NRP2: variants seen among roughly 807,000 people sequenced by gnomAD.
The protein encoded by NRP2 is neuropilin-2.
Under a neutral mutation model 110.4 loss-of-function variants are expected in NRP2, and 52 were observed. The ratio of observed to expected loss-of-function variants is 0.47; its 90% CI spans 0.38 to 0.59. The LOEUF is 0.59. NRP2 is among the 20% of genes least tolerant of loss of function. The pLI is 0.00. For missense variants in NRP2, 1,049 were observed against 1,203.0 expected (o/e 0.87, Z 1.89); for synonymous variants, 508 against 468.9 (o/e 1.08, Z -1.08).
chr2:205,749,149 C>A (rs1304923703), intron 10 of NRP2, among the ~76,000 whole-genome samples: 1 of 152,198 alleles, frequency 6.6e-6, no homozygotes, highest in Non-Finnish European at 1.5e-5. Context: ...ATGGAGGCCA[C>A]CTTTAAACCA....
In NRP2 at chr2:205,725,861, C is replaced by T. The variant is rs759324762; in HGVS notation, c.821-52C>T. On this transcript the variant is annotated intron_variant, in intron 5 of 16. Coordinates refer to ENST00000357785, the MANE Select transcript of NRP2 (RefSeq NM_003872.3). This position sits in a 1 kb window ranked among gnomAD's most constrained non-coding sequence, Gnocchi z 4.1. ...AAGGGAGGCAGCATTTGGGGGATCC[C>T]GAGGTATGAGGTTGGAAGGCCTAAC... 8.7e-6 allele frequency: 14 copies of T among 1,601,520 alleles called. No homozygotes were observed. The highest frequency in any genetic ancestry group is 2.2e-5 in the South Asian group (2 of 90,666).
At chr2:205,776,161 T>G in intron 15 of NRP2, 1 of 1,301,612 alleles carries the variant, frequency 7.7e-7, no homozygotes, top group Non-Finnish European at 1.1e-6. Context: ...AAAGCATGTG[T>G]GTGTTTCTTT....
chr2:205,752,088 C>T (rs954714150), intron 11 of NRP2, among the ~76,000 whole-genome samples: 16 of 152,186 alleles, frequency 1.1e-4, no homozygotes, highest in African/African-American at 3.9e-4. Context: ...TTCCTGGATT[C>T]CCATAGGGAA....
intron 1 of NRP2, among the ~76,000 whole-genome samples, chr2:205,688,695 G>T (rs1033575813): frequency 6.6e-5 from 10 of 152,126 alleles, no homozygotes; most frequent in Non-Finnish European, 1.5e-4. Flanking sequence ...CAAATTATGT[G>T]ACCTTTGGCA....
chr2:205,709,276 C>T (rs940647696), intron 2 of NRP2, among the ~76,000 whole-genome samples: 3 of 152,314 alleles, frequency 2.0e-5, no homozygotes, highest in East Asian at 3.9e-4. Flanking sequence ...CTGTGCTTTT[C>T]GTTTCATCTT....
chr2:205,700,541 G>A (rs548413174), intron 2 of NRP2, among the ~76,000 whole-genome samples: 2 of 152,324 alleles, frequency 1.3e-5, no homozygotes, highest in South Asian at 2.1e-4. Flanking sequence ...CCAAAGCCTG[G>A]AAACAGGGCC....
At chr2:205,699,852 T>C (rs1016507095) in intron 2 of NRP2, among the ~76,000 whole-genome samples, 1 of 152,182 alleles carries the variant, frequency 6.6e-6, no homozygotes, top group Non-Finnish European at 1.5e-5. Context: ...AAAAAATCTT[T>C]CTGGGGTCTG....
chr2:205,690,583 CACACACACA>C (rs2056291723), intron 1 of NRP2, among the ~76,000 whole-genome samples: 1 of 10,016 alleles, frequency 1.0e-4, no homozygotes, highest in Non-Finnish European at 1.9e-4. Flanking sequence ...TAAAAATACA[CACACACACA>C]CACACACACA....
intron 2 of NRP2, among the ~76,000 whole-genome samples, chr2:205,710,298 T>G (rs2056770137): frequency 6.6e-6 from 1 of 152,228 alleles, no homozygotes; most frequent in African/African-American, 2.4e-5. Flanking sequence ...TCTCTGACCT[T>G]TCCTCCTCAT....
chr2:205,710,122 CCTAA>C (rs1334774142), intron 2 of NRP2, among the ~76,000 whole-genome samples: 6 of 152,194 alleles, frequency 3.9e-5, no homozygotes, highest in Non-Finnish European at 5.9e-5. Flanking sequence ...TTTGTGGAAA[CCTAA>C]CTGAGGCCCT....
Position 205,796,761 on chromosome 2 carries a change from T to C in NRP2, c.*1703T>C, listed in dbSNP as rs2058355546. ...TCGCATCAAGATCCAAATCTTGATT[T>C]CATATTAACGCCTAAGGATTGCCTG... On this transcript the variant is annotated 3_prime_UTR_variant, in exon 17 of 17. Coordinates refer to ENST00000357785, the MANE Select transcript of NRP2 (RefSeq NM_003872.3). 6.5e-6 allele frequency: 1 copy of C among 152,682 alleles called. No homozygotes were observed. Among genetic ancestry groups the C allele is most frequent in the South Asian group, 2.1e-4 (1 of 4,830 alleles). The allele number at this position is 152,682 out of a possible 1,614,324, so 9.5% of individuals were successfully genotyped here.
chr2:205,782,259 A>T (rs1264801560), intron 15 of NRP2, among the ~76,000 whole-genome samples: 1 of 152,102 alleles, frequency 6.6e-6, no homozygotes, highest in Non-Finnish European at 1.5e-5. Context: ...TCCCGTGGGC[A>T]TTGGACCAAG....
At chr2:205,771,304 A>G (rs925815028) in intron 15 of NRP2, among the ~76,000 whole-genome samples, 1 of 152,196 alleles carries the variant, frequency 6.6e-6, no homozygotes, top group African/African-American at 2.4e-5. Flanking sequence ...TTCCAAACAC[A>G]TCAGAGGGCG....
Position 205,725,900 on chromosome 2 carries a change from C to T in NRP2, c.821-13C>T. Reference sequence around the variant, plus strand: ...GGAAGGCCTAACTGCATTTGACCGTCTGCTTTCCCCAGACTTTCAGTGCAA... The same window carrying T: ...GGAAGGCCTAACTGCATTTGACCGTTTGCTTTCCCCAGACTTTCAGTGCAA... On this transcript the variant is annotated splice_polypyrimidine_tract_variant and intron_variant, in intron 5 of 16. Coordinates refer to ENST00000357785, the MANE Select transcript of NRP2 (RefSeq NM_003872.3). The surrounding 1 kb of genome is among the most constrained non-coding windows in gnomAD (Gnocchi z 4.1). 1.9e-6 allele frequency: 3 copies of T among 1,613,934 alleles called. No individual in the cohort carries two copies. The highest frequency in any genetic ancestry group is 2.5e-6 in the Non-Finnish European group (3 of 1,180,028).
intron 1 of NRP2, among the ~76,000 whole-genome samples, chr2:205,691,643 T>A (rs1429388372): frequency 6.6e-6 from 1 of 152,198 alleles, no homozygotes; most frequent in Non-Finnish European, 1.5e-5. Context: ...CTCCTTTGGT[T>A]TTTGGAGAGA....
chr2:205,698,047 T>C (rs2056473043), intron 2 of NRP2: 2 of 395,978 alleles, frequency 5.1e-6, no homozygotes, highest in African/African-American at 2.1e-5. Context: ...TGGGTTACCT[T>C]GCACTTGGAG....
At chr2:205,748,229 C>T (rs556899583) in intron 10 of NRP2, among the ~76,000 whole-genome samples, 22 of 152,242 alleles carry the variant, frequency 1.4e-4, no homozygotes, top group Non-Finnish European at 2.9e-4. Context: ...GTTTGCTTTT[C>T]GAATTTCCAT....
At chr2:205,768,476 C>T (rs781079415) in intron 15 of NRP2, 3 of 152,100 alleles carry the variant, frequency 2.0e-5, no homozygotes, top group African/African-American at 4.8e-5. Flanking sequence ...GTGTGCACAC[C>T]GTGTCGGGCC....
At chr2:205,736,615 G>C (rs912839399) in intron 7 of NRP2, among the ~76,000 whole-genome samples, 8 of 152,142 alleles carry the variant, frequency 5.3e-5, no homozygotes, top group Non-Finnish European at 7.3e-5. Context: ...ATTTGTCCTG[G>C]GTGCTATGCA....
Sources: gnomAD v4.1 joint callset for allele counts (sites outside exome capture counted in the v4.1 genomes callset) on GRCh38, gnomAD v4.1.1 for gene constraint, Gnocchi (gnomAD v3.1) non-coding constraint, MANE v1.5 for transcripts, NCBI Gene and HGNC (gene_info 2026-07-23, HGNC 2026-07-21) for gene names.